The following AKT3 variants were observed in gnomAD, a reference collection of about 807,000 sequenced individuals.
AKT3 encodes the protein AKT serine/threonine kinase 3.
Under a neutral mutation model 65.3 loss-of-function variants are expected in AKT3, and 15 were observed. That is an observed-to-expected ratio of 0.23 (90% CI 0.15 to 0.35). AKT3 has a LOEUF of 0.35. Among genes scored for constraint, AKT3 ranks in the 10% least tolerant of loss-of-function variants. The pLI, the probability that AKT3 is intolerant of heterozygous loss-of-function variation, is 1.00. For synonymous variants in AKT3, 206 were observed against 183.8 expected, an observed-to-expected ratio of 1.12 and a Z score of -0.98; for missense variants, 243 against 576.5, an observed-to-expected ratio of 0.42 and a Z score of 5.92.
At chr1:243,797,478 C>T (rs1420060021) in intron 2 of AKT3, among the ~76,000 whole-genome samples, 1 of 152,194 alleles carries the variant, frequency 6.6e-6, no homozygotes, top group Non-Finnish European at 1.5e-5. Context: ...TCTTCTAGGT[C>T]TCAACCCAGA....
chr1:243,492,604 GTT>G (rs74162289), intron 13 of AKT3, among the ~76,000 whole-genome samples: 65 of 58,878 alleles, frequency 1.1e-3, no homozygotes, highest in East Asian at 2.6e-3. Context: ...GCGCCCAGCT[GTT>G]TTTTTTTTTT....
chr1:243,587,119 T>C (rs1273740699), intron 8 of AKT3, among the ~76,000 whole-genome samples: 1 of 152,130 alleles, frequency 6.6e-6, no homozygotes, highest in African/African-American at 2.4e-5. Flanking sequence ...ATAATCAATG[T>C]AACAGAGACA....
intron 1 of AKT3, among the ~76,000 whole-genome samples, chr1:243,847,028 C>G (rs1038129741): frequency 3.9e-5 from 6 of 152,140 alleles, no homozygotes; most frequent in African/African-American, 1.4e-4. Context: ...AAGATCAGGA[C>G]AAAGTATTTG....
At chr1:243,745,261 G>A (rs1239774910) in intron 2 of AKT3, among the ~76,000 whole-genome samples, 5 of 152,066 alleles carry the variant, frequency 3.3e-5, no homozygotes, top group Non-Finnish European at 5.9e-5. Context: ...GATTACTTGA[G>A]CCCAGGAGGT....
intron 12 of AKT3, among the ~76,000 whole-genome samples, chr1:243,544,852 C>T (rs1006554653): frequency 2.6e-5 from 4 of 151,562 alleles, no homozygotes; most frequent in African/African-American, 4.8e-5. Context: ...TGCGCCACCA[C>T]GCCCAGTTGA....
chr1:243,711,751 TGAA>T (rs1319874113), intron 2 of AKT3, among the ~76,000 whole-genome samples: 7 of 152,224 alleles, frequency 4.6e-5, no homozygotes, highest in Non-Finnish European at 8.8e-5. Flanking sequence ...TTTCAAAAGA[TGAA>T]GAAATTCACA....
intron 5 of AKT3, among the ~76,000 whole-genome samples, chr1:243,642,988 A>G (rs1680556536): frequency 6.6e-6 from 1 of 152,216 alleles, no homozygotes; most frequent in South Asian, 2.1e-4. Flanking sequence ...AGAGGAAAAG[A>G]GCTCTGACGA....
intron 2 of AKT3, among the ~76,000 whole-genome samples, chr1:243,820,808 T>C (rs767200367): frequency 6.6e-6 from 1 of 152,112 alleles, no homozygotes; most frequent in Admixed American, 6.5e-5. Flanking sequence ...CTATGACTGA[T>C]TAGGGTACCT....
At chr1:243,594,565 C>G (rs1170524482) in intron 8 of AKT3, among the ~76,000 whole-genome samples, 2 of 152,104 alleles carry the variant, frequency 1.3e-5, no homozygotes, top group Non-Finnish European at 2.9e-5. Flanking sequence ...GAAACAGACC[C>G]ATATGTGTGA....
chr1:243,649,081 G>C (rs1201994695), intron 4 of AKT3, among the ~76,000 whole-genome samples: 1 of 151,788 alleles, frequency 6.6e-6, no homozygotes, highest in African/African-American at 2.4e-5. Flanking sequence ...CACAAATTTT[G>C]ATATGTATTA....
intron 2 of AKT3, among the ~76,000 whole-genome samples, chr1:243,707,629 G>A (rs1033670822): frequency 1.3e-5 from 2 of 152,070 alleles, no homozygotes; most frequent in Admixed American, 6.6e-5. Flanking sequence ...TTTAGATTCA[G>A]AAGGTACATG....
chr1:243,639,923 T>C (rs974716517), intron 5 of AKT3, among the ~76,000 whole-genome samples: 1 of 152,174 alleles, frequency 6.6e-6, no homozygotes, highest in Non-Finnish European at 1.5e-5. Flanking sequence ...CCCCAATTTT[T>C]TGACAATACC....
chr1:243,731,167 T>C (rs1228406734), intron 2 of AKT3, among the ~76,000 whole-genome samples: 1 of 152,184 alleles, frequency 6.6e-6, no homozygotes, highest in Non-Finnish European at 1.5e-5. Flanking sequence ...TAGCATAAAC[T>C]CTTATATGTA....
chr1:243,576,394 G>A (rs929302061), intron 8 of AKT3, among the ~76,000 whole-genome samples: 3 of 152,028 alleles, frequency 2.0e-5, no homozygotes, highest in Non-Finnish European at 4.4e-5. Context: ...AGGGCAATCA[G>A]GCAAGAGAAA....
At chr1:243,635,568 C>T (rs1329388014) in intron 6 of AKT3, among the ~76,000 whole-genome samples, 1 of 151,744 alleles carries the variant, frequency 6.6e-6, no homozygotes, top group Non-Finnish European at 1.5e-5. Context: ...ACCATTAGAA[C>T]ACAACAGTAA....
chr1:243,679,236 T>C (rs185392780), intron 3 of AKT3, among the ~76,000 whole-genome samples: 1 of 152,304 alleles, frequency 6.6e-6, no homozygotes, highest in Admixed American at 6.5e-5. Context: ...CAGTAGGATA[T>C]TGGTAGCTAA....
intron 8 of AKT3, among the ~76,000 whole-genome samples, chr1:243,578,818 C>T (rs1311673522): frequency 6.6e-6 from 1 of 152,116 alleles, no homozygotes; most frequent in East Asian, 1.9e-4. Context: ...TACTGATCAC[C>T]ACTGTTATGA....
rs1669530143 is a variant in AKT3 at position 243,504,381 on chromosome 1, A to G, written c.*868T>C. ...AGAAATTTTGGTGAAAAGCAGTATC[A>G]TTATACCTGTCTACATTCTTCAGCC... On this transcript the variant is annotated 3_prime_UTR_variant, in exon 14 of 14. Transcript: ENST00000673466. 1 of 198,150 alleles carries G rather than the reference A, an allele frequency of 5.0e-6. No homozygotes were observed. Among genetic ancestry groups the G allele is most frequent in the Non-Finnish European group, 1.0e-5 (1 of 95,414 alleles). The allele number at this position is 198,150 out of a possible 1,614,324, so 12.3% of individuals were successfully genotyped here. A position where few individuals can be genotyped will look rare whatever the true frequency, so the allele number is the denominator to read the frequency against.
chr1:243,681,413 C>CT (rs1219370446), intron 3 of AKT3, among the ~76,000 whole-genome samples: 4 of 152,150 alleles, frequency 2.6e-5, no homozygotes, highest in Non-Finnish European at 4.4e-5. Flanking sequence ...ATCCTTCACT[C>CT]TAACTCCCTC....
Sources: gnomAD v4.1 joint callset for allele counts (sites outside exome capture counted in the v4.1 genomes callset) on GRCh38, gnomAD v4.1.1 for gene constraint, MANE v1.5 for transcripts, NCBI Gene and HGNC (gene_info 2026-07-23, HGNC 2026-07-21) for gene names.